The following SH3BP5 variants were observed in gnomAD, a reference collection of about 807,000 sequenced individuals.
SH3BP5 encodes SH3 domain-binding protein 5.
Under a neutral mutation model 43.3 loss-of-function variants are expected in SH3BP5, and 22 were observed. The observed-to-expected ratio is 0.51, with a 90% CI of 0.36 to 0.73. SH3BP5 has a LOEUF of 0.73. Ranked by LOEUF, SH3BP5 falls within the 30% of genes least tolerant of loss-of-function variation. The pLI, the probability that SH3BP5 is intolerant of heterozygous loss-of-function variation, is 0.00. For synonymous variants in SH3BP5, 255 were observed against 225.8 expected (o/e 1.13, Z -1.16); for missense variants, 529 against 586.9 (o/e 0.90, Z 1.02).
chr3:15,279,138 C>A (rs1462187046), intron 3 of SH3BP5, among the ~76,000 whole-genome samples: 1 of 152,016 alleles, frequency 6.6e-6, no homozygotes, highest in Non-Finnish European at 1.5e-5. Context: ...CCACTGCATT[C>A]CAGCCTAGGC....
intron 3 of SH3BP5, among the ~76,000 whole-genome samples, chr3:15,279,335 G>T (rs981336116): frequency 3.9e-5 from 6 of 152,110 alleles, no homozygotes; most frequent in Admixed American, 6.6e-5. Flanking sequence ...GAAATCTATG[G>T]TATGTATCTA....
intron 3 of SH3BP5, among the ~76,000 whole-genome samples, chr3:15,278,287 C>G (rs1697027606): frequency 6.6e-6 from 1 of 152,208 alleles, no homozygotes; most frequent in Non-Finnish European, 1.5e-5. Context: ...GATCAAAAAC[C>G]TTTGAAAACA....
At chr3:15,257,762 C>G (rs558683578) in intron 7 of SH3BP5, among the ~76,000 whole-genome samples, 2 of 152,234 alleles carry the variant, frequency 1.3e-5, no homozygotes, top group African/African-American at 2.4e-5. Flanking sequence ...GTTTCAAAGC[C>G]TCTTTGGCCT....
At chr3:15,330,693 T>C (rs1698588631) in intron 1 of SH3BP5, 127 bp from the exon 2 acceptor site, 2 of 1,405,610 alleles carry the variant, frequency 1.4e-6, no homozygotes, top group South Asian at 1.6e-5. Context: ...TCAGAATTAA[T>C]TCTTACGGCA....
chr3:15,333,084 C>T (rs974567734), upstream of SH3BP5: 1 of 985,400 alleles, frequency 1.0e-6, no homozygotes, highest in Admixed American at 6.1e-5. Context: ...TGCGGCGGTC[C>T]TACCTGAATA....
At chr3:15,287,961 C>A (rs1304150725) in intron 3 of SH3BP5, among the ~76,000 whole-genome samples, 4 of 152,176 alleles carry the variant, frequency 2.6e-5, no homozygotes, top group African/African-American at 9.7e-5. Flanking sequence ...TCCAAAGAAA[C>A]AGAACTGATA....
At chr3:15,316,177 A>C (rs1698178789) in intron 2 of SH3BP5, among the ~76,000 whole-genome samples, 1 of 147,224 alleles carries the variant, frequency 6.8e-6, no homozygotes, top group Non-Finnish European at 1.5e-5. Flanking sequence ...TTTAAACAAT[A>C]TGAGCCAGTT....
Position 15,330,500 on chromosome 3 carries a change from G to A in SH3BP5, c.201+4C>T. 1.2e-6 allele frequency: 2 copies of A among 1,611,328 alleles called. No homozygotes were observed. Among genetic ancestry groups the A allele is most frequent in the Non-Finnish European group, 1.7e-6 (2 of 1,177,692 alleles). On this transcript the variant is annotated splice_donor_region_variant and intron_variant, in intron 2 of 8. Transcript: ENST00000383791. ...ACCAAGAACAGGAACTCAGCTCTCTGTACCTCAAGTTCAGTCTCCCGTCTG... is the reference window on the plus strand; with the variant it reads ...ACCAAGAACAGGAACTCAGCTCTCTATACCTCAAGTTCAGTCTCCCGTCTG...
intron 2 of SH3BP5, among the ~76,000 whole-genome samples, chr3:15,315,022 C>T (rs1698151143): frequency 6.6e-6 from 1 of 152,104 alleles, no homozygotes. Context: ...CAGAAAAAAG[C>T]AAATGTGCAG....
chr3:15,260,027 G>T, intron 5 of SH3BP5: 1 of 581,020 alleles, frequency 1.7e-6, no homozygotes. Flanking sequence ...TTAACAGGAG[G>T]CCCATCTCAA....
chr3:15,285,868 A>T (rs1378366543), intron 3 of SH3BP5, among the ~76,000 whole-genome samples: 1 of 152,144 alleles, frequency 6.6e-6, no homozygotes, highest in Non-Finnish European at 1.5e-5. Context: ...GAAACGTCAA[A>T]CCCCTACCTC....
chr3:15,312,286 CTT>C (rs1196768683), intron 2 of SH3BP5, among the ~76,000 whole-genome samples: 1 of 152,170 alleles, frequency 6.6e-6, no homozygotes, highest in Non-Finnish European at 1.5e-5. Context: ...AACAATTACT[CTT>C]TCATTGAATT....
intron 2 of SH3BP5, among the ~76,000 whole-genome samples, chr3:15,326,216 C>G (rs796606483): frequency 6.6e-6 from 1 of 152,200 alleles, no homozygotes; most frequent in South Asian, 2.1e-4. Context: ...AGAGGCAAAC[C>G]CAGGTTGCAG....
chr3:15,260,065 T>C (rs777839232), intron 5 of SH3BP5: 8 of 519,216 alleles, frequency 1.5e-5, no homozygotes, highest in Non-Finnish European at 2.4e-5. Context: ...CACACATATC[T>C]TGGGGACTCT....
intron 2 of SH3BP5, among the ~76,000 whole-genome samples, chr3:15,322,814 AAC>A (rs1304675873): frequency 6.6e-6 from 1 of 152,018 alleles, no homozygotes; most frequent in African/African-American, 2.4e-5. Flanking sequence ...TACCCTGGGC[AAC>A]AGAGACCAAC....
intron 3 of SH3BP5, among the ~76,000 whole-genome samples, chr3:15,295,008 G>A (rs1421966982): frequency 2.0e-5 from 3 of 151,798 alleles, no homozygotes; most frequent in Non-Finnish European, 2.9e-5. Flanking sequence ...CCTTCCTCTT[G>A]TGCTTCGGAG....
intron 3 of SH3BP5, among the ~76,000 whole-genome samples, chr3:15,274,255 A>AAAAGAAAG (rs201056406): frequency 6.6e-6 from 1 of 151,058 alleles, no homozygotes; most frequent in African/African-American, 2.5e-5. Flanking sequence ...CAACAAAAAA[A>AAAAGAAAG]AAAGAAAGAA....
Position 15,332,398 on chromosome 3 carries a change from G to A in SH3BP5, c.11C>T (p.Ala4Val). 6.5e-7 allele frequency: 1 copy of A among 1,535,602 alleles called. No individual in the cohort carries two copies. The highest frequency in any genetic ancestry group is 1.2e-5 in the South Asian group (1 of 83,912). The change falls in exon 1 of 9, where the codon GCA (alanine) becomes GTA (valine). Residue 4 changes from alanine (A) to valine (V), a missense_variant. Physicochemically the swap from Ala to Val is moderately conservative, Grantham distance 64. Around this residue, in one of 3 missense-constraint regions of SH3BP5, gnomAD observed 75 missense variants for 61.8 expected, o/e 1.21. Transcript: ENST00000383791. ...CTCCTCCGAGCGGCTCCGCTTCAGT[G>A]CCGCGTCCATGCAGGCAGCCGGCAC... MDA[A>V]LKRSRSEEPA...
At chr3:15,336,664 T>C (rs565729689), upstream of SH3BP5, among the ~76,000 whole-genome samples, 3 of 152,220 alleles carry the variant, frequency 2.0e-5, no homozygotes, top group East Asian at 5.8e-4. Flanking sequence ...TATATTATAA[T>C]CGCCAGGTTG....
Sources: allele counts gnomAD v4.1 joint callset (sites outside exome capture counted in the v4.1 genomes callset), GRCh38; gene constraint gnomAD v4.1.1; regional missense constraint gnomAD v4.1.1; transcripts MANE v1.5; gene names NCBI Gene and HGNC (gene_info 2026-07-23, HGNC 2026-07-21).